TMEM207: variants seen among roughly 807,000 people sequenced by gnomAD.
TMEM207 encodes SRSR846.
TMEM207 carries 15 observed loss-of-function variants against 17.4 expected under a neutral mutation model. The observed-to-expected ratio is 0.86, with a 90% CI of 0.58 to 1.33. The LOEUF (loss-of-function observed/expected upper bound fraction) is 1.33. Among genes scored for constraint, TMEM207 ranks in the 40% most tolerant of loss-of-function variants. TMEM207 has a pLI of 0.00. For synonymous variants in TMEM207, 70 were observed against 65.6 expected (o/e 1.07, Z -0.33); for missense variants, 205 against 173.8 (o/e 1.18, Z -1.01).
chr3:190,433,789 C>T (rs563097005), intron 4 of TMEM207, among the ~76,000 whole-genome samples: 11 of 151,974 alleles, frequency 7.2e-5, no homozygotes, highest in Non-Finnish European at 1.3e-4. Context: ...GTGTTGAAGA[C>T]GGGGCCCGGT....
chr3:190,431,902 T>C (rs1719700634), intron 4 of TMEM207, among the ~76,000 whole-genome samples: 1 of 152,208 alleles, frequency 6.6e-6, no homozygotes, highest in African/African-American at 2.4e-5. Context: ...CACAAGGCAT[T>C]TGGTAAACAT....
At chr3:190,435,691 A>C (rs909415543) in intron 4 of TMEM207, among the ~76,000 whole-genome samples, 6 of 152,200 alleles carry the variant, frequency 3.9e-5, no homozygotes, top group Non-Finnish European at 2.9e-5. Context: ...TATAGATCCT[A>C]TGAAGAGGAA....
At chr3:190,448,824 G>A (rs186011541) in intron 1 of TMEM207, among the ~76,000 whole-genome samples, 1 of 152,206 alleles carries the variant, frequency 6.6e-6, no homozygotes, top group East Asian at 1.9e-4. Context: ...AGTTTATCTG[G>A]GCAAAGAGAT....
Position 190,440,326 on chromosome 3 carries a change from C to G in TMEM207, c.222G>C (p.Gln74His). 1.2e-6 allele frequency: 2 copies of G among 1,614,132 alleles called. No homozygotes were observed. Among genetic ancestry groups the G allele is most frequent in the East Asian group, 2.2e-5 (1 of 44,876 alleles). The change falls in exon 4 of 5, where the codon CAG becomes CAC. Residue 74 changes from glutamine to histidine, a missense_variant. Transcript: ENST00000354905. ...CAATTCGGGGTCTCCTCAGCCAGCACTGGAGGCAGAGGACCACAGCTCCAC... is the reference window on the plus strand; with the variant it reads ...CAATTCGGGGTCTCCTCAGCCAGCAGTGGAGGCAGAGGACCACAGCTCCAC... ...LLCGAVVLCL[Q>H]CWLRRPRIDS...
intron 4 of TMEM207, among the ~76,000 whole-genome samples, chr3:190,430,934 T>G (rs1335998872): frequency 2.6e-5 from 4 of 152,152 alleles, no homozygotes. Flanking sequence ...AAAGACTAGT[T>G]GCATATTAGG....
chr3:190,437,625 T>C (rs548625486), intron 4 of TMEM207, among the ~76,000 whole-genome samples: 79 of 151,944 alleles, frequency 5.2e-4, no homozygotes, highest in African/African-American at 1.8e-3. Flanking sequence ...TGTGGAGAAA[T>C]AGGAACACTT....
intron 4 of TMEM207, among the ~76,000 whole-genome samples, chr3:190,435,197 A>G (rs1047514851): frequency 6.6e-6 from 1 of 152,276 alleles, no homozygotes; most frequent in Non-Finnish European, 1.5e-5. Context: ...TTTTCTCACG[A>G]TTGTGGAGTC....
chr3:190,437,799 G>T lies in TMEM207; in HGVS notation c.304+2445C>A, dbSNP rs543426715. 6.0e-3 allele frequency among the ~76,000 whole-genome samples: 917 copies of T among 151,728 alleles called. 9 individuals carry two copies. Among genetic ancestry groups the T allele is most frequent in the African/African-American group, 0.021 (887 of 41,298 alleles). Reference sequence around the variant, plus strand: ...TGCTGCTATAAAGACACATGCACACGTATGTTTATTGCGGCACTATTCACA... The same window carrying T: ...TGCTGCTATAAAGACACATGCACACTTATGTTTATTGCGGCACTATTCACA... On this transcript the variant is annotated intron_variant, in intron 4 of 4. Transcript: ENST00000354905.
intron 2 of TMEM207, among the ~76,000 whole-genome samples, chr3:190,447,072 C>T (rs1404577888): frequency 6.7e-6 from 1 of 148,610 alleles, no homozygotes; most frequent in Non-Finnish European, 1.5e-5. Context: ...CTGTGAAATA[C>T]AGTCATAGCC....
At chr3:190,437,725 T>G (rs1471158516) in intron 4 of TMEM207, among the ~76,000 whole-genome samples, 1 of 152,118 alleles carries the variant, frequency 6.6e-6, no homozygotes, top group Non-Finnish European at 1.5e-5. Flanking sequence ...AAATACCATT[T>G]GACCCAGCCA....
At chr3:190,430,383 C>T (rs1351941602) in intron 4 of TMEM207, among the ~76,000 whole-genome samples, 2 of 151,876 alleles carry the variant, frequency 1.3e-5, no homozygotes, top group Non-Finnish European at 2.9e-5. Context: ...AGACTATGCA[C>T]TTACTCTAAT....
At chr3:190,448,655 T>C (rs1315725154) in intron 1 of TMEM207, among the ~76,000 whole-genome samples, 1 of 152,172 alleles carries the variant, frequency 6.6e-6, no homozygotes, top group Non-Finnish European at 1.5e-5. Context: ...ATGAAGTCAG[T>C]TGAAGTATTT....
intron 4 of TMEM207, among the ~76,000 whole-genome samples, chr3:190,436,199 T>A (rs763915437): frequency 6.6e-6 from 1 of 152,236 alleles, no homozygotes; most frequent in African/African-American, 2.4e-5. Flanking sequence ...GGTAAAAATT[T>A]AAAAAATTAA....
intron 4 of TMEM207, among the ~76,000 whole-genome samples, chr3:190,438,961 G>A (rs12485305): frequency 0.2 from 29,593 of 150,882 alleles, 2,589 homozygotes; most frequent in East Asian, 0.34. Flanking sequence ...AGGCCGAGGC[G>A]GGCGGATCAC....
intron 4 of TMEM207, 34 bp from the exon 5 acceptor site, chr3:190,429,765 C>A: frequency 6.4e-7 from 1 of 1,555,556 alleles, no homozygotes; most frequent in Non-Finnish European, 8.7e-7. Context: ...TGTAATCTTT[C>A]TAGTGAGCAT....
intron 2 of TMEM207, among the ~76,000 whole-genome samples, chr3:190,445,948 A>G (rs1380108339): frequency 1.3e-5 from 2 of 152,078 alleles, no homozygotes; most frequent in Admixed American, 6.6e-5. Context: ...CACCTCCTCC[A>G]CCATGGCCTC....
At chr3:190,447,723 G>A (rs1281534435) in intron 2 of TMEM207, 67 bp downstream of exon 2, 11 of 1,531,174 alleles carry the variant, frequency 7.2e-6, no homozygotes, top group African/African-American at 1.4e-5. Flanking sequence ...AATGGCTTGA[G>A]CCTTTTTTAT....
At chr3:190,438,304 T>C (rs1719848412) in intron 4 of TMEM207, among the ~76,000 whole-genome samples, 1 of 151,886 alleles carries the variant, frequency 6.6e-6, no homozygotes, top group African/African-American at 2.4e-5. Context: ...TTTTTCTTTT[T>C]TTTTTTGCCT....
At chr3:190,442,550 T>C (rs1345309746) in intron 2 of TMEM207, among the ~76,000 whole-genome samples, 1 of 152,202 alleles carries the variant, frequency 6.6e-6, no homozygotes, top group Non-Finnish European at 1.5e-5. Flanking sequence ...TCACCCAGCC[T>C]ACAGATGATT....
Sources: allele counts gnomAD v4.1 joint callset (sites outside exome capture counted in the v4.1 genomes callset), GRCh38; gene constraint gnomAD v4.1.1; transcripts MANE v1.5; gene names NCBI Gene and HGNC (gene_info 2026-07-23, HGNC 2026-07-21).